The following EBF1 variants were observed in gnomAD, a reference collection of about 807,000 sequenced individuals.
EBF1 encodes the protein transcription factor COE1.
Under a neutral mutation model 68.4 loss-of-function variants are expected in EBF1, and 10 were observed. The observed-to-expected ratio is 0.15, with a 90% confidence interval of 0.09 to 0.25. EBF1 has a LOEUF of 0.25. Ranked by LOEUF, EBF1 falls within the 10% of genes least tolerant of loss-of-function variation. The pLI is 1.00. For missense variants in EBF1, 509 were observed against 794.4 expected (o/e 0.64, Z 4.32); for synonymous variants, 298 against 299.8 (o/e 0.99, Z 0.06).
chr5:158,949,097 C>T (rs1281428523), intron 6 of EBF1, among the ~76,000 whole-genome samples: 5 of 152,176 alleles, frequency 3.3e-5, no homozygotes, highest in Non-Finnish European at 7.4e-5. Context: ...TGATTTTTGT[C>T]TGTGCATATA....
At chr5:158,791,731 C>T (rs577536062) in intron 9 of EBF1, among the ~76,000 whole-genome samples, 1 of 152,264 alleles carries the variant, frequency 6.6e-6, no homozygotes, top group Admixed American at 6.5e-5. Flanking sequence ...CTTCTGACTA[C>T]ACCACTCTCT....
At chr5:158,815,686 T>C (rs2084224919) in intron 8 of EBF1, among the ~76,000 whole-genome samples, 1 of 152,214 alleles carries the variant, frequency 6.6e-6, no homozygotes, top group Non-Finnish European at 1.5e-5. Context: ...CACCTGCTCA[T>C]GAACCCTTCA....
chr5:159,023,372 G>A (rs1035156551), intron 6 of EBF1, among the ~76,000 whole-genome samples: 1 of 152,186 alleles, frequency 6.6e-6, no homozygotes, highest in African/African-American at 2.4e-5. Flanking sequence ...ACTGAACCAA[G>A]CAACGCCTTT....
chr5:158,840,544 A>G (rs997516010), intron 6 of EBF1, among the ~76,000 whole-genome samples: 1 of 150,312 alleles, frequency 6.7e-6, no homozygotes, highest in Admixed American at 6.7e-5. Context: ...ACCACTTTTT[A>G]TCTTAGCCTC....
chr5:158,979,255 AATAG>A (rs745550714), intron 6 of EBF1, among the ~76,000 whole-genome samples: 5 of 152,226 alleles, frequency 3.3e-5, no homozygotes, highest in Non-Finnish European at 1.5e-5. Context: ...TTTTCAGAGA[AATAG>A]ATAGGTATAT....
chr5:159,092,772 G>T (rs561793457), intron 4 of EBF1, among the ~76,000 whole-genome samples: 2 of 152,234 alleles, frequency 1.3e-5, no homozygotes, highest in Middle Eastern at 3.4e-3. Context: ...AAAGACACTT[G>T]AACAGTGGCT....
chr5:158,765,243 A>C (rs760285662), intron 10 of EBF1, among the ~76,000 whole-genome samples: 2 of 152,182 alleles, frequency 1.3e-5, no homozygotes, highest in Non-Finnish European at 2.9e-5. Context: ...GTCTTAAAAA[A>C]GTAGAGAATT....
At chr5:158,906,943 TG>T (rs1227866716) in intron 6 of EBF1, among the ~76,000 whole-genome samples, 1 of 152,258 alleles carries the variant, frequency 6.6e-6, no homozygotes, top group Non-Finnish European at 1.5e-5. Context: ...AGTTCACTTT[TG>T]TCCCACATAA....
chr5:158,881,473 C>G (rs940386239), intron 6 of EBF1, among the ~76,000 whole-genome samples: 2 of 152,208 alleles, frequency 1.3e-5, no homozygotes, highest in African/African-American at 2.4e-5. Flanking sequence ...GGGGCCATAC[C>G]TCCTCCTCTG....
intron 6 of EBF1, among the ~76,000 whole-genome samples, chr5:158,976,660 T>C (rs1311179309): frequency 6.6e-6 from 1 of 152,202 alleles, no homozygotes; most frequent in African/African-American, 2.4e-5. Context: ...TATGTTAGAA[T>C]AACTAGTATA....
intron 10 of EBF1, among the ~76,000 whole-genome samples, chr5:158,765,537 C>A (rs1221236717): frequency 6.6e-6 from 1 of 152,108 alleles, no homozygotes; most frequent in African/African-American, 2.4e-5. Flanking sequence ...TCCCAGGTGG[C>A]TATGCCTAGC....
intron 10 of EBF1, among the ~76,000 whole-genome samples, chr5:158,733,705 G>A (rs1385017122): frequency 6.6e-6 from 1 of 152,174 alleles, no homozygotes; most frequent in African/African-American, 2.4e-5. Flanking sequence ...TATGTCCCAT[G>A]CCTTTATGAT....
chr5:158,802,318 C>T (rs1161426040), intron 8 of EBF1, among the ~76,000 whole-genome samples: 1 of 152,066 alleles, frequency 6.6e-6, no homozygotes, highest in African/African-American at 2.4e-5. Flanking sequence ...GCTTTTTTCT[C>T]CATTCCTGTA....
intron 6 of EBF1, among the ~76,000 whole-genome samples, chr5:158,973,846 T>C (rs891427896): frequency 1.3e-5 from 2 of 152,216 alleles, no homozygotes; most frequent in Non-Finnish European, 2.9e-5. Flanking sequence ...GTCATTGTCA[T>C]TGTTGTTATC....
rs189714419 is a variant in EBF1, at chr5:158,992,686, T to C, written c.554+80710A>G. On this transcript the variant is annotated intron_variant, in intron 6 of 15. Coordinates refer to ENST00000313708, the MANE Select transcript of EBF1 (RefSeq NM_024007.5). ...CATCAAGTTGTTGCAATTGTTTTTTTTGGACAGATTTACGTTTCTTACCAA... is the reference window on the plus strand; with the variant it reads ...CATCAAGTTGTTGCAATTGTTTTTTCTGGACAGATTTACGTTTCTTACCAA... 3.9e-4 allele frequency among the ~76,000 whole-genome samples: 60 copies of C among 152,306 alleles called. 1 individual carries two copies. In the East Asian group the frequency reaches 9.6e-3, roughly 24 times the overall value.
intron 5 of EBF1, among the ~76,000 whole-genome samples, chr5:159,079,602 C>CTTTTT (rs58461083): frequency 6.2e-5 from 7 of 113,640 alleles, no homozygotes; most frequent in African/African-American, 1.1e-4. Flanking sequence ...CTCCTTTTAT[C>CTTTTT]TTTTTTTTTT....
chr5:158,705,397 A>G (rs1757660098), intron 15 of EBF1, among the ~76,000 whole-genome samples: 1 of 152,228 alleles, frequency 6.6e-6, no homozygotes, highest in Non-Finnish European at 1.5e-5. Context: ...GTCATCCACA[A>G]CAGTGAATCC....
chr5:158,718,231 C>T (rs990765368), intron 11 of EBF1, among the ~76,000 whole-genome samples: 4 of 152,126 alleles, frequency 2.6e-5, no homozygotes, highest in African/African-American at 4.8e-5. Flanking sequence ...TTCCCAGCAT[C>T]GACCTACAAA....
At chr5:158,928,187 C>T (rs1810079347) in intron 6 of EBF1, among the ~76,000 whole-genome samples, 1 of 152,156 alleles carries the variant, frequency 6.6e-6, no homozygotes, top group Non-Finnish European at 1.5e-5. Flanking sequence ...CTCTTTGACT[C>T]ATTTTTCTCA....
Sources: allele counts gnomAD v4.1 joint callset (sites outside exome capture counted in the v4.1 genomes callset), GRCh38; gene constraint gnomAD v4.1.1; transcripts MANE v1.5; gene names NCBI Gene and HGNC (gene_info 2026-07-23, HGNC 2026-07-21).